Variants in ADAMTS7 observed in about 807,000 individuals in gnomAD.
ADAMTS7 encodes the protein ADAM metallopeptidase with thrombospondin type 1 motif 7.
In ADAMTS7, 89 loss-of-function variants were observed where a neutral mutation model predicts 172.6. The ratio of observed to expected loss-of-function variants is 0.52; its 90% CI spans 0.43 to 0.61. ADAMTS7 has a LOEUF of 0.61. ADAMTS7 is among the 20% of genes least tolerant of loss of function. The probability of loss-of-function intolerance (pLI) is 0.00; values close to 1 mark genes in which losing one functional copy is unlikely to be tolerated. For synonymous variants in ADAMTS7, 885 were observed against 978.4 expected, an observed-to-expected ratio of 0.90 and a Z score of 1.78; for missense variants, 1,973 against 2,355.6, an observed-to-expected ratio of 0.84 and a Z score of 3.36.
In ADAMTS7 at chr15:78,790,776, G is replaced by A. The variant is rs759746293; in HGVS notation, c.922C>T (p.His308Tyr). Residue 308 changes from histidine to tyrosine, a missense_variant, in exon 6 of 24, where the codon CAC becomes TAC. His to Tyr is a moderately conservative substitution (Grantham distance 83). Transcript: ENST00000388820. Reference sequence around the variant, plus strand: ...CTCTTCAGGGTGTTGTCTGCATGGTGCGTGATCTTTAGGTCCTCCTGGGGG... The same window carrying A: ...CTCTTCAGGGTGTTGTCTGCATGGTACGTGATCTTTAGGTCCTCCTGGGGG... The part of the protein sequence containing the change: ...EDEEEDLKIT[H>Y]HADNTLKSFC... 9 of 1,613,874 alleles carry A rather than the reference G, an allele frequency of 5.6e-6. No individual in the cohort carries two copies. Among genetic ancestry groups the A allele is most frequent in the South Asian group, 5.5e-5 (5 of 91,066 alleles).
At position 78,798,090 on chromosome 15, in the gene ADAMTS7, G is replaced by A. The variant is rs112134789; in HGVS notation, c.480C>T (p.Asn160=). The A allele has an allele frequency of 3.6e-5, 56 of 1,560,248 alleles. No individual in the cohort carries two copies. Among genetic ancestry groups the A allele is most frequent in the African/African-American group, 1.6e-4 (11 of 70,608 alleles). The change falls in exon 3 of 24, where the codon AAC becomes AAT. Residue 160 remains asparagine, a synonymous_variant. Coordinates refer to ENST00000388820, the MANE Select transcript of ADAMTS7 (RefSeq NM_014272.5). Reference sequence around the variant, plus strand: ...CCAGGGGCTCAATGAAGTAGTCCTCGTTGGAGAGCTGGAACACACCTTTCT... The same window carrying A: ...CCAGGGGCTCAATGAAGTAGTCCTCATTGGAGAGCTGGAACACACCTTTCT... ...DGLKGVFQLS[N]EDYFIEPLDS...
intron 23 of ADAMTS7, 151 bp from the exon 24 acceptor site, chr15:78,759,729 G>T: frequency 1.9e-6 from 2 of 1,036,158 alleles, no homozygotes; most frequent in Non-Finnish European, 2.7e-6. Flanking sequence ...CGGAGTTGCA[G>T]GTCTCCAACT....
At position 78,791,154 on chromosome 15, in the gene ADAMTS7, G is replaced by C; in HGVS notation, c.889C>G (p.Leu297Val). 1 of 1,613,326 alleles carries C rather than the reference G, an allele frequency of 6.2e-7. No homozygotes were observed. The highest frequency in any genetic ancestry group is 8.5e-7 in the Non-Finnish European group (1 of 1,179,606). Reference sequence around the variant, plus strand: ...TGACCACTCACCTCCTCATCTTCCAGCAGGACCAGGCGCACAATGGTGATG... The same window carrying C: ...TGACCACTCACCTCCTCATCTTCCACCAGGACCAGGCGCACAATGGTGATG... Reference protein sequence around the residue: ...IHITIVRLVLLEDEEEDLKIT... With the variant: ...IHITIVRLVLVEDEEEDLKIT... The change falls in exon 5 of 24, where the codon CTG becomes GTG. Residue 297 changes from leucine (L) to valine (V), a missense_variant. Physicochemically the swap from Leu to Val is conservative, Grantham distance 32. Transcript: ENST00000388820.
At chr15:78,776,071 C>T in intron 11 of ADAMTS7, 117 bp downstream of exon 11, 1 of 1,361,596 alleles carries the variant, frequency 7.3e-7, no homozygotes, top group Non-Finnish European at 9.7e-7. Context: ...TCGGACTGAC[C>T]ATTATCAGGA....
chr15:78,788,302 T>C lies in ADAMTS7; in HGVS notation c.1251A>G (p.Pro417=), dbSNP rs201200219. Residue 417 remains proline (P), a synonymous_variant, in exon 8 of 24, where the codon CCA becomes CCG. Coordinates refer to ENST00000388820, the MANE Select transcript of ADAMTS7 (RefSeq NM_014272.5). ...PVGKRPFIMS[P]QLLYDAAPLT... ...GGGGAGCGGCGTCGTACAGGAGCTGTGGAGACATGATGAAAGGTCGTTTCC... is the reference window on the plus strand; with the variant it reads ...GGGGAGCGGCGTCGTACAGGAGCTGCGGAGACATGATGAAAGGTCGTTTCC... The C allele has an allele frequency of 6.2e-6, 10 of 1,613,690 alleles. No homozygotes were observed. The East Asian group carries it at 1.8e-4, about 29-fold the overall frequency.
intron 20 of ADAMTS7, among the ~76,000 whole-genome samples, 190 bp downstream of exon 20, chr15:78,764,365 G>A (rs200815253): frequency 2.0e-5 from 3 of 152,234 alleles, no homozygotes; most frequent in Non-Finnish European, 4.4e-5. Context: ...AGATACAGAG[G>A]AAAGGAGACA....
At chr15:78,802,465 C>T (rs369282439) in intron 1 of ADAMTS7, among the ~76,000 whole-genome samples, 3 of 152,162 alleles carry the variant, frequency 2.0e-5, no homozygotes, top group South Asian at 2.1e-4. Context: ...GCTCCCTGGC[C>T]GCTAACCACC....
At chr15:78,775,427 G>A (rs555241800) in intron 11 of ADAMTS7, among the ~76,000 whole-genome samples, 1 of 152,070 alleles carries the variant, frequency 6.6e-6, no homozygotes, top group African/African-American at 2.4e-5. Flanking sequence ...AGGGCCCTGG[G>A]TGGGGCTGGC....
intron 1 of ADAMTS7, among the ~76,000 whole-genome samples, chr15:78,801,477 CCTT>C (rs887041803): frequency 6.6e-6 from 1 of 152,230 alleles, no homozygotes; most frequent in Non-Finnish European, 1.5e-5. Context: ...TCAAATGTCT[CCTT>C]CTCAATGAGG....
At chr15:78,777,206 G>A (rs918499517) in intron 9 of ADAMTS7, 4 of 609,768 alleles carry the variant, frequency 6.6e-6, no homozygotes, top group African/African-American at 5.5e-5. Context: ...AGAGGCGAAG[G>A]GACTTGTCCG....
chr15:78,774,653 A>G lies in ADAMTS7; in HGVS notation c.1847T>C (p.Leu616Pro), dbSNP rs779027154. The G allele has an allele frequency of 3.7e-6, 6 of 1,611,646 alleles. No homozygotes were observed. The Admixed American group carries it at 8.3e-5, about 22-fold the overall frequency. The change falls in exon 12 of 24, where the codon CTG becomes CCG. Residue 616 changes from leucine (L) to proline (P), a missense_variant. Around this residue, in one of 8 missense-constraint regions of ADAMTS7, gnomAD observed 526 missense variants for 662.9 expected, o/e 0.79. Transcript: ENST00000388820. ...HFDAMLYKGQ[L>P]HTWVPVVNDV... ...ATTGACCACGGGCACCCATGTGTGCAGCTGGCCCTTGTAGAGCATAGCGTC... is the reference window on the plus strand; with the variant it reads ...ATTGACCACGGGCACCCATGTGTGCGGCTGGCCCTTGTAGAGCATAGCGTC...
chr15:78,771,873 G>A lies in ADAMTS7; in HGVS notation c.2132-44C>T. The A allele has an allele frequency of 6.3e-7, 1 of 1,585,002 alleles. No homozygotes were observed. Among genetic ancestry groups the A allele is most frequent in the Non-Finnish European group, 8.6e-7 (1 of 1,169,220 alleles). ...GCATAGGTTGTGCCCAGGGTGAGAG[G>A]GTTGCTTATCCCCACCCGCTCCCCT... On this transcript the variant is annotated intron_variant, in intron 14 of 23. Transcript: ENST00000388820. This position sits in a 1 kb window ranked among gnomAD's most constrained non-coding sequence, Gnocchi z 4.9.
chr15:78,778,231 G>T (rs1259921844), intron 8 of ADAMTS7, among the ~76,000 whole-genome samples: 1 of 152,206 alleles, frequency 6.6e-6, no homozygotes, highest in South Asian at 2.1e-4. Flanking sequence ...ACAAGCAGGC[G>T]CCATCTGTGT....
rs771805761 is a variant in ADAMTS7 at position 78,771,797 on chromosome 15, C to T, written c.2164G>A (p.Ala722Thr). 8.1e-6 allele frequency: 13 copies of T among 1,612,372 alleles called. No homozygotes were observed. Among genetic ancestry groups the T allele is most frequent in the African/African-American group, 1.3e-5 (1 of 74,900 alleles). ...ACCTCTTGGATGCGGATCTCGCGTG[C>T]GCCCGCTGGGATCAGCCCCACATCC... ...YVDVGLIPAG[A>T]REIRIQEVAE... The change falls in exon 15 of 24, where the codon GCA becomes ACA. Residue 722 changes from alanine to threonine, a missense_variant. Ala to Thr is a moderately conservative substitution (Grantham distance 58). Around this residue, in one of 8 missense-constraint regions of ADAMTS7, gnomAD observed 771 missense variants for 952.6 expected, o/e 0.81. Transcript: ENST00000388820. The surrounding 1 kb of genome is among the most constrained non-coding windows in gnomAD (Gnocchi z 4.9).
intron 8 of ADAMTS7, among the ~76,000 whole-genome samples, chr15:78,780,677 G>GC (rs1227819571): frequency 2.0e-5 from 3 of 151,460 alleles, no homozygotes; most frequent in South Asian, 2.1e-4. Context: ...ACCCTCCAGT[G>GC]CCCCCCCACC....
intron 1 of ADAMTS7, chr15:78,810,872 T>C (rs1240337612): frequency 2.7e-5 from 10 of 365,570 alleles, no homozygotes; most frequent in Admixed American, 4.7e-5. Context: ...AAGGGGCTTA[T>C]TCCAGGCGAC....
chr15:78,789,961 C>T, intron 6 of ADAMTS7, 123 bp from the exon 7 acceptor site: 1 of 1,374,846 alleles, frequency 7.3e-7, no homozygotes, highest in Non-Finnish European at 9.8e-7. Context: ...TCCCACCGTT[C>T]TGTGACATGA....
intron 1 of ADAMTS7, 65 bp from the exon 2 acceptor site, chr15:78,800,612 G>A (rs1217598020): frequency 6.7e-7 from 1 of 1,483,038 alleles, no homozygotes; most frequent in Non-Finnish European, 9.2e-7. Flanking sequence ...GGTGGCCGGG[G>A]ACCAGAAGGG....
chr15:78,781,141 G>A (rs1351034955), intron 8 of ADAMTS7, among the ~76,000 whole-genome samples: 1 of 152,232 alleles, frequency 6.6e-6, no homozygotes, highest in Admixed American at 6.5e-5. Flanking sequence ...GGTGGTCTGT[G>A]AGTGCCTCTG....
Sources: gnomAD v4.1 joint callset for allele counts (sites outside exome capture counted in the v4.1 genomes callset) on GRCh38, gnomAD v4.1.1 for gene constraint, gnomAD v4.1.1 regional missense constraint, Gnocchi (gnomAD v3.1) non-coding constraint, MANE v1.5 for transcripts, NCBI Gene and HGNC (gene_info 2026-07-23, HGNC 2026-07-21) for gene names.